ANTXR2: variants seen among roughly 807,000 people sequenced by gnomAD.
The protein encoded by ANTXR2 is ANTXR cell adhesion molecule 2.
A neutral mutation model predicts 73.7 loss-of-function variants in ANTXR2; 44 were observed. The observed-to-expected ratio is 0.60, with a 90% CI of 0.47 to 0.77. The LOEUF (loss-of-function observed/expected upper bound fraction) is 0.77. Ranked by LOEUF, ANTXR2 falls within the 30% of genes least tolerant of loss-of-function variation. The pLI is 0.00. For synonymous variants in ANTXR2, 217 were observed against 205.9 expected, an observed-to-expected ratio of 1.05 and a Z score of -0.46; for missense variants, 604 against 592.5, an observed-to-expected ratio of 1.02 and a Z score of -0.20.
intron 8 of ANTXR2, 26 bp from the exon 9 acceptor site, chr4:80,033,596 T>C: frequency 6.7e-7 from 1 of 1,500,822 alleles, no homozygotes; most frequent in Non-Finnish European, 9.0e-7. Context: ...AAAATAAACA[T>C]TTAATCACTG....
At chr4:80,021,008 G>A (rs1330431567) in intron 10 of ANTXR2, among the ~76,000 whole-genome samples, 5 of 151,874 alleles carry the variant, frequency 3.3e-5, no homozygotes, top group Admixed American at 6.6e-5. Context: ...AATTAGCCGG[G>A]CATGGTGGCA....
intron 16 of ANTXR2, among the ~76,000 whole-genome samples, chr4:79,925,989 C>T (rs890513306): frequency 7.9e-5 from 12 of 151,956 alleles, no homozygotes; most frequent in Non-Finnish European, 1.2e-4. Flanking sequence ...AAATATCTAC[C>T]ATCAATGAGT....
At chr4:80,005,914 G>C (rs1731280176) in intron 12 of ANTXR2, among the ~76,000 whole-genome samples, 1 of 152,084 alleles carries the variant, frequency 6.6e-6, no homozygotes, top group South Asian at 2.1e-4. Flanking sequence ...AGACATAGGA[G>C]GTCCTCCCCT....
chr4:80,027,957 C>T (rs1732516433), intron 10 of ANTXR2, among the ~76,000 whole-genome samples: 1 of 152,094 alleles, frequency 6.6e-6, no homozygotes, highest in Admixed American at 6.6e-5. Context: ...TTAAAGAAGA[C>T]AATTTGGCAC....
chr4:79,984,282 T>C (rs895232807), intron 13 of ANTXR2, among the ~76,000 whole-genome samples: 3 of 152,170 alleles, frequency 2.0e-5, no homozygotes, highest in African/African-American at 7.2e-5. Flanking sequence ...CTTAGAAAGA[T>C]AAAATATTAA....
At chr4:80,053,858 T>C (rs537835310) in intron 7 of ANTXR2, among the ~76,000 whole-genome samples, 34 of 151,868 alleles carry the variant, frequency 2.2e-4, no homozygotes, top group Middle Eastern at 3.4e-3. Context: ...AGCCACTAGT[T>C]CAAGTTGCCT....
chr4:80,003,079 A>G (rs1220061901), intron 12 of ANTXR2, among the ~76,000 whole-genome samples: 1 of 151,880 alleles, frequency 6.6e-6, no homozygotes, highest in Non-Finnish European at 1.5e-5. Context: ...CCAAAGGACT[A>G]TAAATCAGGC....
At chr4:80,012,572 C>A (rs756891528) in intron 11 of ANTXR2, among the ~76,000 whole-genome samples, 1 of 152,098 alleles carries the variant, frequency 6.6e-6, no homozygotes, top group Non-Finnish European at 1.5e-5. Context: ...GAAAAATTTG[C>A]CAACCCTTGT....
Position 80,057,743 on chromosome 4 carries a change from A to T in ANTXR2, c.297-1730T>A, listed in dbSNP as rs1301809330. Among the ~76,000 whole-genome samples the T allele has an allele frequency of 2.0e-5, 3 of 152,142 alleles. No individual in the cohort carries two copies. In the East Asian group the frequency reaches 5.8e-4, roughly 30 times the overall value. On this transcript the variant is annotated intron_variant, in intron 3 of 16. Transcript: ENST00000403729. ...CCTAAAAACATTCAACTTTCTAATA[A>T]TTTAACTAATTTAATTTAAATATTC...
chr4:80,044,575 G>A (rs1404896994), intron 7 of ANTXR2, among the ~76,000 whole-genome samples: 1 of 151,858 alleles, frequency 6.6e-6, no homozygotes, highest in Non-Finnish European at 1.5e-5. Flanking sequence ...TGAAGTTTAT[G>A]TTGAATTTGA....
At chr4:80,010,328 A>G (rs1731511911) in intron 11 of ANTXR2, among the ~76,000 whole-genome samples, 1 of 152,236 alleles carries the variant, frequency 6.6e-6, no homozygotes, top group African/African-American at 2.4e-5. Context: ...GTGGTACCCT[A>G]TGGGAGAAAT....
chr4:79,997,770 A>G (rs1159820008), intron 12 of ANTXR2, among the ~76,000 whole-genome samples: 1 of 151,962 alleles, frequency 6.6e-6, no homozygotes, highest in African/African-American at 2.4e-5. Context: ...ACAGTGTGAG[A>G]GTGTATTCTG....
chr4:79,904,771 C>T lies in ANTXR2; in HGVS notation c.*2658G>A, dbSNP rs1726839951. ...TACACAGAAAGTAGATCTTGACTGA[C>T]ATGGTGTCCAGAAAATCAAACAGAA... On this transcript the variant is annotated 3_prime_UTR_variant, in exon 17 of 17. Transcript: ENST00000403729. 6.6e-6 allele frequency: 1 copy of T among 152,106 alleles called. No homozygotes were observed. The highest frequency in any genetic ancestry group is 1.5e-5 in the Non-Finnish European group (1 of 68,000). The allele number at this position is 152,106 out of a possible 1,614,324, so 9.4% of individuals were successfully genotyped here.
intron 16 of ANTXR2, among the ~76,000 whole-genome samples, chr4:79,913,447 A>G (rs960710330): frequency 2.0e-5 from 3 of 152,188 alleles, no homozygotes; most frequent in African/African-American, 7.2e-5. Flanking sequence ...AGTGCATGTC[A>G]GCACACATGT....
intron 16 of ANTXR2, among the ~76,000 whole-genome samples, chr4:79,960,353 T>C (rs988397532): frequency 1.2e-4 from 19 of 152,182 alleles, no homozygotes; most frequent in African/African-American, 4.6e-4. Flanking sequence ...ACTAACCTGC[T>C]TACTAAGAAG....
At chr4:79,943,780 A>T (rs915508974) in intron 16 of ANTXR2, among the ~76,000 whole-genome samples, 3 of 151,968 alleles carry the variant, frequency 2.0e-5, no homozygotes, top group African/African-American at 7.2e-5. Flanking sequence ...AGAATACTAA[A>T]TAATTGTTTT....
chr4:79,976,134 G>C (rs911536849), intron 16 of ANTXR2, among the ~76,000 whole-genome samples: 11 of 151,666 alleles, frequency 7.3e-5, no homozygotes, highest in Non-Finnish European at 7.4e-5. Context: ...GGATGGTCTC[G>C]ATCTCCTGAC....
intron 11 of ANTXR2, among the ~76,000 whole-genome samples, chr4:80,015,761 G>A (rs932177971): frequency 6.7e-6 from 1 of 149,670 alleles, no homozygotes; most frequent in Admixed American, 6.7e-5. Context: ...GGAAAAGAAA[G>A]GACTGAAGGA....
At chr4:80,048,069 G>A (rs1231637799) in intron 7 of ANTXR2, among the ~76,000 whole-genome samples, 13 of 151,492 alleles carry the variant, frequency 8.6e-5, no homozygotes, top group Non-Finnish European at 1.9e-4. Flanking sequence ...TTAAGAACTT[G>A]CATAGATTTT....
Sources: allele counts gnomAD v4.1 joint callset (sites outside exome capture counted in the v4.1 genomes callset), GRCh38; gene constraint gnomAD v4.1.1; transcripts MANE v1.5; gene names NCBI Gene and HGNC (gene_info 2026-07-23, HGNC 2026-07-21).